The following CYFIP2 variants were observed in gnomAD, a reference collection of about 807,000 sequenced individuals.
The protein encoded by CYFIP2 is cytoplasmic FMR1 interacting protein 2.
CYFIP2 carries 29 observed loss-of-function variants against 158.7 expected under a neutral mutation model. The ratio of observed to expected loss-of-function variants is 0.18; its 90% CI spans 0.14 to 0.25. The LOEUF (loss-of-function observed/expected upper bound fraction) is 0.25, where lower values mean the gene tolerates loss of function less well. Among genes scored for constraint, CYFIP2 ranks in the 10% least tolerant of loss-of-function variants. CYFIP2 has a pLI of 1.00. For missense variants in CYFIP2, 852 were observed against 1,639.5 expected (o/e 0.52, Z 8.29); for synonymous variants, 585 against 617.6 (o/e 0.95, Z 0.78).
intron 23 of CYFIP2, among the ~76,000 whole-genome samples, chr5:157,352,699 G>A (rs551447168): frequency 1.3e-5 from 2 of 152,298 alleles, no homozygotes; most frequent in East Asian, 3.9e-4. Flanking sequence ...GGCTGAGAAT[G>A]TTTCCCAAAG....
At chr5:157,360,407 T>C in intron 25 of CYFIP2, 35 bp downstream of exon 25, 1 of 1,546,968 alleles carries the variant, frequency 6.5e-7, no homozygotes, top group Non-Finnish European at 8.9e-7. Flanking sequence ...ACCCCTCCCA[T>C]GGTGGGGAGG....
chr5:157,369,888 T>TTTG (rs1764820624), intron 26 of CYFIP2, among the ~76,000 whole-genome samples: 2 of 149,178 alleles, frequency 1.3e-5, no homozygotes, highest in Admixed American at 6.7e-5. Flanking sequence ...AGTTTTTTTT[T>TTTG]TTTTTTTTTT....
intron 21 of CYFIP2, among the ~76,000 whole-genome samples, chr5:157,335,141 G>A (rs1761758211): frequency 6.6e-6 from 1 of 152,208 alleles, no homozygotes; most frequent in Non-Finnish European, 1.5e-5. Context: ...CTTACTAGCT[G>A]TGTGATCTTG....
intron 23 of CYFIP2, among the ~76,000 whole-genome samples, chr5:157,344,195 A>C (rs1490879993): frequency 6.6e-6 from 1 of 152,212 alleles, no homozygotes; most frequent in Non-Finnish European, 1.5e-5. Context: ...GGTGAAGATA[A>C]TCAGCCCCTA....
intron 1 of CYFIP2, among the ~76,000 whole-genome samples, chr5:157,277,760 A>G (rs949843204): frequency 5.9e-5 from 9 of 152,156 alleles, no homozygotes; most frequent in African/African-American, 2.2e-4. Context: ...GTCATTACCA[A>G]TTAGCAATGT....
Position 157,383,251 on chromosome 5 carries a change from G to A in CYFIP2, c.3113-14G>A, listed in dbSNP as rs182415413. On this transcript the variant is annotated splice_polypyrimidine_tract_variant and intron_variant, in intron 27 of 30. Transcript: ENST00000620254. ...CCCTGAGTCTCATTTTCTGCTCTGCGACTCCTTTTGCAGAGGGGGAGCGCC... is the reference window on the plus strand; with the variant it reads ...CCCTGAGTCTCATTTTCTGCTCTGCAACTCCTTTTGCAGAGGGGGAGCGCC... 1.1e-5 allele frequency: 18 copies of A among 1,612,542 alleles called. 1 individual carries two copies. The highest frequency in any genetic ancestry group is 5.0e-5 in the Admixed American group (3 of 59,952).
intron 1 of CYFIP2, among the ~76,000 whole-genome samples, chr5:157,267,700 A>G (rs572746251): frequency 2.9e-4 from 44 of 152,372 alleles, no homozygotes; most frequent in Non-Finnish European, 5.3e-4. Context: ...ATTTGACCGG[A>G]AAAGAAACAG....
Position 157,393,209 on chromosome 5 carries a change from A to G in CYFIP2, c.*209A>G, listed in dbSNP as rs533297235. 5.3e-4 allele frequency: 67 copies of G among 126,000 alleles called. 1 individual carries two copies. The South Asian group carries it at 0.011, about 21-fold the overall frequency. The allele number at this position is 126,000 out of a possible 1,614,324, so 7.8% of individuals were successfully genotyped here. A position where few individuals can be genotyped will look rare whatever the true frequency, so the allele number is the denominator to read the frequency against. On this transcript the variant is annotated 3_prime_UTR_variant, in exon 31 of 31. Transcript: ENST00000620254. ...GCTGGTTTCTCCATAGCATAAATGAAAAAAAAAAAAAAAAAGTAAACAGGG... is the reference window on the plus strand; with the variant it reads ...GCTGGTTTCTCCATAGCATAAATGAGAAAAAAAAAAAAAAAGTAAACAGGG...
At chr5:157,320,564 C>T in intron 14 of CYFIP2, 91 bp from the exon 15 acceptor site, 2 of 1,532,244 alleles carry the variant, frequency 1.3e-6, no homozygotes, top group Non-Finnish European at 1.8e-6. Context: ...TGTGGGTGTT[C>T]CTGGGACACC....
At chr5:157,295,232 G>A (rs1459088054) in intron 4 of CYFIP2, among the ~76,000 whole-genome samples, 4 of 152,144 alleles carry the variant, frequency 2.6e-5, no homozygotes, top group East Asian at 1.9e-4. Flanking sequence ...TGACATATTT[G>A]TCTGGATCTT....
chr5:157,389,880 T>C (rs1175331444), intron 29 of CYFIP2, among the ~76,000 whole-genome samples: 1 of 152,126 alleles, frequency 6.6e-6, no homozygotes, highest in African/African-American at 2.4e-5. Context: ...TCCAGTACAG[T>C]GATGGGGAAC....
At chr5:157,316,032 T>C (rs1036755469) in intron 13 of CYFIP2, among the ~76,000 whole-genome samples, 4 of 152,152 alleles carry the variant, frequency 2.6e-5, no homozygotes, top group South Asian at 4.2e-4. Flanking sequence ...GGAAATTGCA[T>C]TGAGCCAAGA....
chr5:157,372,347 C>CAGTAA (rs70984466), intron 26 of CYFIP2, among the ~76,000 whole-genome samples: 58,808 of 151,568 alleles, frequency 0.39, 11,923 homozygotes, highest in African/African-American at 0.51. Flanking sequence ...TCAAATGACT[C>CAGTAA]AGTAAAGTTA....
chr5:157,306,461 C>G (rs1398729187), intron 8 of CYFIP2, among the ~76,000 whole-genome samples: 1 of 152,248 alleles, frequency 6.6e-6, no homozygotes, highest in East Asian at 1.9e-4. Context: ...TCTTCCCTCT[C>G]TGTTCCCCAC....
intron 15 of CYFIP2, 100 bp downstream of exon 15, chr5:157,320,902 T>C: frequency 7.1e-7 from 1 of 1,405,024 alleles, no homozygotes; most frequent in Non-Finnish European, 9.4e-7. Flanking sequence ...CTGGGAGCCG[T>C]CGGTCAGGAG....
chr5:157,331,219 G>A (rs1027034396), intron 20 of CYFIP2, among the ~76,000 whole-genome samples: 1 of 151,930 alleles, frequency 6.6e-6, no homozygotes, highest in African/African-American at 2.4e-5. Context: ...GAAGACTGTG[G>A]CGCCTTTGAA....
At chr5:157,302,297 G>GA (rs1758819235) in intron 6 of CYFIP2, among the ~76,000 whole-genome samples, 2 of 152,148 alleles carry the variant, frequency 1.3e-5, no homozygotes, top group South Asian at 4.1e-4. Flanking sequence ...CATCACCTGC[G>GA]ATTCTGTGAG....
chr5:157,341,645 C>T, intron 23 of CYFIP2: 1 of 156,626 alleles, frequency 6.4e-6, no homozygotes, highest in South Asian at 1.9e-4. Flanking sequence ...GGAATGGGGG[C>T]AAAAGTCTGG....
At chr5:157,291,284 A>G (rs2113859594) in intron 3 of CYFIP2, among the ~76,000 whole-genome samples, 1 of 152,338 alleles carries the variant, frequency 6.6e-6, no homozygotes, top group African/African-American at 2.4e-5. Flanking sequence ...AAACTAAGAC[A>G]TTACAAGTTA....
Sources: gnomAD v4.1 joint callset for allele counts (sites outside exome capture counted in the v4.1 genomes callset) on GRCh38, gnomAD v4.1.1 for gene constraint, MANE v1.5 for transcripts, NCBI Gene and HGNC (gene_info 2026-07-23, HGNC 2026-07-21) for gene names.